ATAD3A: variants seen among roughly 807,000 people sequenced by gnomAD.
ATAD3A encodes ATPase family AAA domain-containing protein 3A.
ATAD3A carries 46 observed loss-of-function variants against 73.8 expected under a neutral mutation model. That is an observed-to-expected ratio of 0.62 (90% CI 0.49 to 0.80). The LOEUF (loss-of-function observed/expected upper bound fraction) is 0.80, where lower values mean the gene tolerates loss of function less well. Ranked by LOEUF, ATAD3A falls within the 30% of genes least tolerant of loss-of-function variation. The pLI is 0.00. For synonymous variants in ATAD3A, 319 were observed against 350.0 expected (o/e 0.91, Z 0.99); for missense variants, 705 against 838.0 (o/e 0.84, Z 1.96).
intron 12 of ATAD3A, 109 bp from the exon 13 acceptor site, chr1:1,526,352 T>G (rs1641842990): frequency 1.9e-6 from 3 of 1,563,936 alleles, no homozygotes; most frequent in East Asian, 2.3e-5. Context: ...TCCATGAAAG[T>G]GTCGCCATGT....
chr1:1,525,205 ACT>A (rs1557471686), intron 11 of ATAD3A, 33 bp from the exon 12 acceptor site: 1 of 1,612,140 alleles, frequency 6.2e-7, no homozygotes, highest in East Asian at 2.2e-5. Flanking sequence ...TCCTGGTGTC[ACT>A]CTCGCCCTGC....
intron 1 of ATAD3A, 48 bp downstream of exon 1, chr1:1,512,521 C>T (rs1377127238): frequency 7.0e-6 from 9 of 1,279,936 alleles, no homozygotes; most frequent in South Asian, 5.1e-5. Context: ...CGGGACGGGC[C>T]GGGGAAGCGG....
chr1:1,534,548 T>C lies in ATAD3A; in HGVS notation c.*476T>C. The C allele has an allele frequency of 2.6e-6, 1 of 384,112 alleles. No homozygotes were observed. Among genetic ancestry groups the C allele is most frequent in the Non-Finnish European group, 4.1e-6 (1 of 245,580 alleles). The allele number at this position is 384,112 out of a possible 1,614,324, so 23.8% of individuals were successfully genotyped here. ...CCTGTGGCCGGCATGCCCCGATCTT[T>C]CACACACTGGTGACCCTGAGAGAGG... is the stretch of plus-strand genomic sequence containing the variant. On this transcript the variant is annotated 3_prime_UTR_variant, in exon 16 of 16. Transcript: ENST00000378756.
rs1347875349 is a variant in ATAD3A, at chr1:1,520,770, TCTC to T, written c.750+158_750+160del. On this transcript the variant is annotated intron_variant, in intron 7 of 15. Transcript: ENST00000378756. This position sits in a 1 kb window ranked among gnomAD's most constrained non-coding sequence, Gnocchi z 4.0. ...CACGTTGTACCTGCTGGCCTCGGCT[TCTC>T]CTCCCTTCTCAAGCTGGGAGAAGAA... 1.3e-5 allele frequency among the ~76,000 whole-genome samples: 2 copies of T among 152,124 alleles called. No individual in the cohort carries two copies. Among genetic ancestry groups the T allele is most frequent in the African/African-American group, 4.8e-5 (2 of 41,436 alleles).
In ATAD3A at chr1:1,523,537, C is replaced by T. The variant is rs145464992; in HGVS notation, c.933C>T (p.Pro311=). Residue 311 remains proline, a synonymous_variant, in exon 9 of 16, where the codon CCC becomes CCT. Coordinates refer to ENST00000378756, the MANE Select transcript of ATAD3A (RefSeq NM_001170535.3). The surrounding 1 kb of genome is among the most constrained non-coding windows in gnomAD (Gnocchi z 5.1). ...TCAGCCGGCGGCTCCTCAGTCGACC[C>T]CAGGACGCGCTGGAGGGTGTTGTGC... is the stretch of plus-strand genomic sequence containing the variant. ...IQVSRRLLSR[P]QDALEGVVLS... 1.9e-6 allele frequency: 3 copies of T among 1,612,888 alleles called. No individual in the cohort carries two copies. The highest frequency in any genetic ancestry group is 2.5e-6 in the Non-Finnish European group (3 of 1,179,656).
intron 7 of ATAD3A, among the ~76,000 whole-genome samples, chr1:1,521,156 G>A (rs1261083904): frequency 7.9e-5 from 12 of 151,308 alleles, no homozygotes; most frequent in East Asian, 5.8e-4. Context: ...AAAATTAGCC[G>A]GGCGCAGTGG....
At chr1:1,533,034 A>G (rs184589613) in intron 15 of ATAD3A, among the ~76,000 whole-genome samples, 467 of 152,308 alleles carry the variant, frequency 3.1e-3, no homozygotes, top group African/African-American at 9.8e-3. Flanking sequence ...GGGGACGGGC[A>G]CCACGTGGTC....
intron 12 of ATAD3A, 124 bp downstream of exon 12, chr1:1,525,415 T>A: frequency 7.2e-6 from 4 of 559,324 alleles, no homozygotes; most frequent in Non-Finnish European, 9.7e-6. Context: ...AAAAACAGCT[T>A]TTTTTTTTTT....
Position 1,517,762 on chromosome 1 carries a change from A to G in ATAD3A, c.431A>G (p.Gln144Arg). ...DKLARQRYED[Q>R]LKQQQLLNEE... ...CTGGCCCGGCAGCGCTACGAGGACCAACTGAAGCAGCAGGTGAGCTCAGCC... is the reference window on the plus strand; with the variant it reads ...CTGGCCCGGCAGCGCTACGAGGACCGACTGAAGCAGCAGGTGAGCTCAGCC... Residue 144 changes from glutamine (Q) to arginine (R), a missense_variant, in exon 4 of 16, where the codon CAA (glutamine) becomes CGA (arginine). This residue lies in a region of ATAD3A where 7 missense variants were observed against 28.2 expected (regional missense o/e 0.25). Transcript: ENST00000378756. 2 of 1,454,480 alleles carry G rather than the reference A, an allele frequency of 1.4e-6. No homozygotes were observed. 90.1% of individuals were successfully genotyped at this position (1,454,480 alleles called of 1,614,324 possible).
rs1296880236 is a variant in ATAD3A at position 1,533,793 on chromosome 1, G to A, written c.1615-133G>A. On this transcript the variant is annotated intron_variant, in intron 15 of 15. Transcript: ENST00000378756. ...CACGTGCTGGGCTCTGCCGAGGTGCGGGAAGCCTGTGTTTCACGCTCAGGC... is the reference window on the plus strand; with the variant it reads ...CACGTGCTGGGCTCTGCCGAGGTGCAGGAAGCCTGTGTTTCACGCTCAGGC... 163 of 1,286,544 alleles carry A rather than the reference G, an allele frequency of 1.3e-4. 1 individual carries two copies. In the South Asian group the frequency reaches 2.1e-3, roughly 16 times the overall value. 79.7% of individuals were successfully genotyped at this position (1,286,544 alleles called of 1,614,324 possible).
chr1:1,515,681 C>T (rs778335987), intron 1 of ATAD3A, among the ~76,000 whole-genome samples: 3 of 151,992 alleles, frequency 2.0e-5, no homozygotes, highest in East Asian at 1.9e-4. Context: ...GCGAATGTAA[C>T]GTGAAAAAAT....
intron 15 of ATAD3A, among the ~76,000 whole-genome samples, chr1:1,530,236 A>C (rs1447918503): frequency 6.6e-6 from 1 of 152,152 alleles, no homozygotes; most frequent in African/African-American, 2.4e-5. Context: ...GTCTGTTTCC[A>C]CAACTAAGAA....
At chr1:1,514,350 T>A (rs375862378) in intron 1 of ATAD3A, among the ~76,000 whole-genome samples, 1 of 145,602 alleles carries the variant, frequency 6.9e-6, no homozygotes, top group Non-Finnish European at 1.5e-5. Flanking sequence ...GGACCCTGGG[T>A]GACTGACACA....
At position 1,512,320 on chromosome 1, in the gene ATAD3A, C is replaced by T. The variant is rs1413306192; in HGVS notation, c.52C>T (p.Pro18Ser). Residue 18 changes from proline to serine, a missense_variant, in exon 1 of 16, where the codon CCG becomes TCG. Pro to Ser is a moderately conservative substitution (Grantham distance 74). Coordinates refer to ENST00000378756, the MANE Select transcript of ATAD3A (RefSeq NM_001170535.3). Reference sequence around the variant, plus strand: ...GGGCCCCAAGGGTGAAGGCGCGGGGCCGCCGCCGCCTTTGCCGCCCGCGCA... The same window carrying T: ...GGGCCCCAAGGGTGAAGGCGCGGGGTCGCCGCCGCCTTTGCCGCCCGCGCA... ...NKGPKGEGAGPPPPLPPAQPG... is the reference protein window; with the variant it reads ...NKGPKGEGAGSPPPLPPAQPG... The T allele has an allele frequency of 6.4e-6, 8 of 1,242,274 alleles. No individual in the cohort carries two copies. The East Asian group carries it at 2.6e-4, about 40-fold the overall frequency. 77.0% of individuals were successfully genotyped at this position (1,242,274 alleles called of 1,614,324 possible).
intron 7 of ATAD3A, among the ~76,000 whole-genome samples, chr1:1,521,694 G>C (rs1242087389): frequency 6.6e-6 from 1 of 152,338 alleles, no homozygotes; most frequent in Non-Finnish European, 1.5e-5. Flanking sequence ...TTAATGCGCC[G>C]ATGACTTTTG....
chr1:1,525,633 C>G (rs1048379073), intron 12 of ATAD3A, among the ~76,000 whole-genome samples: 2 of 152,144 alleles, frequency 1.3e-5, no homozygotes. Context: ...CCAGGATGGT[C>G]TCGATCTCCT....
intron 11 of ATAD3A, 54 bp from the exon 12 acceptor site, chr1:1,525,186 G>C: frequency 6.2e-7 from 1 of 1,611,440 alleles, no homozygotes; most frequent in Non-Finnish European, 8.5e-7. Context: ...GGACGCTGCT[G>C]TGGGCTGCTC....
In ATAD3A at chr1:1,534,090, C is replaced by T. The variant is rs755225991; in HGVS notation, c.*18C>T. ...CATCCTGAGTCCACAGGGAGATCCA[C>T]AGCTCACGGAGCCTGGCCGCGGACC... On this transcript the variant is annotated 3_prime_UTR_variant, in exon 16 of 16. Transcript: ENST00000378756. 1.2e-5 allele frequency: 19 copies of T among 1,613,342 alleles called. No homozygotes were observed. The highest frequency in any genetic ancestry group is 1.7e-6 in the Non-Finnish European group (2 of 1,179,848).
In ATAD3A at chr1:1,520,205, C is replaced by G. The variant is rs1641536116; in HGVS notation, c.579C>G (p.Ala193=). The G allele has an allele frequency of 6.2e-7, 1 of 1,612,066 alleles. No individual in the cohort carries two copies. The highest frequency in any genetic ancestry group is 8.5e-7 in the Non-Finnish European group (1 of 1,179,674). Residue 193 remains alanine, a synonymous_variant, in exon 6 of 16, where the codon GCC becomes GCG. Transcript: ENST00000378756. This position sits in a 1 kb window ranked among gnomAD's most constrained non-coding sequence, Gnocchi z 4.0. ...AGATGCTGCGAGTGGAGGCCGAGGC[C>G]CGGGCGCGCGCCAAGGCCGAGCGGG... ...KNEMLRVEAE[A]RARAKAEREN...
Sources: allele counts gnomAD v4.1 joint callset (sites outside exome capture counted in the v4.1 genomes callset), GRCh38; gene constraint gnomAD v4.1.1; regional missense constraint gnomAD v4.1.1; non-coding constraint Gnocchi (gnomAD v3.1); transcripts MANE v1.5; gene names NCBI Gene and HGNC (gene_info 2026-07-23, HGNC 2026-07-21).